PDK1: variants seen among roughly 807,000 people sequenced by gnomAD.
PDK1 encodes [Pyruvate dehydrogenase (acetyl-transferring)] kinase isozyme 1, mitochondrial.
PDK1 carries 39 observed loss-of-function variants against 54.2 expected under a neutral mutation model. The observed-to-expected ratio is 0.72, with a 90% CI of 0.56 to 0.94. The LOEUF (loss-of-function observed/expected upper bound fraction) is 0.94. Among genes scored for constraint, PDK1 ranks in the 40% least tolerant of loss-of-function variants. PDK1 has a pLI of 0.00. For synonymous variants in PDK1, 221 were observed against 207.1 expected (o/e 1.07, Z -0.58); for missense variants, 552 against 566.0 (o/e 0.98, Z 0.25).
At chr2:172,711,865 C>CAAAAAAAAAAAAA in the PDK1 span, among the ~76,000 whole-genome samples, 24 of 22,782 alleles carry the variant, frequency 1.1e-3, 2 homozygotes, top group East Asian at 0.017. Context: ...GAACCTAGCT[C>CAAAAAAAAAAAAA]AAAAAAAAAA....
intron 3 of PDK1, chr2:172,564,137 G>T: frequency 2.1e-6 from 1 of 474,022 alleles, no homozygotes. Context: ...AGAGGCAAGT[G>T]CTTTGTCTCC....
chr2:172,670,588 A>G, the PDK1 span, among the ~76,000 whole-genome samples: 3 of 152,200 alleles, frequency 2.0e-5, no homozygotes, highest in African/African-American at 7.2e-5. Context: ...TTTTCCTCAT[A>G]CAGAATTTCC....
chr2:172,564,105 C>T (rs185429956), intron 3 of PDK1: 3 of 473,230 alleles, frequency 6.3e-6, no homozygotes, highest in Non-Finnish European at 8.7e-6. Flanking sequence ...TGATTCCTTG[C>T]AGAGCAGAGC....
At chr2:172,570,468 A>G (rs889084383) in intron 7 of PDK1, 6 of 331,988 alleles carry the variant, frequency 1.8e-5, no homozygotes, top group Middle Eastern at 1.6e-3. Flanking sequence ...GCTTTAATGT[A>G]ACTAGTTAAA....
At chr2:172,566,834 G>A (rs1300491727) in intron 5 of PDK1, 22 bp from the exon 6 acceptor site, 2 of 1,527,538 alleles carry the variant, frequency 1.3e-6, no homozygotes, top group South Asian at 2.3e-5. Context: ...ATCCTTTTTT[G>A]TTTTGTTTTG....
the PDK1 span, among the ~76,000 whole-genome samples, chr2:172,715,602 C>A: frequency 2.6e-5 from 4 of 152,282 alleles, no homozygotes; most frequent in South Asian, 8.3e-4. Context: ...CAACTGCCCG[C>A]CTCATGGGAA....
chr2:172,637,889 C>T, the PDK1 span, among the ~76,000 whole-genome samples: 5 of 151,976 alleles, frequency 3.3e-5, no homozygotes, highest in South Asian at 2.1e-4. Context: ...GTAGAGATGG[C>T]GTTTCACCAT....
rs11303240 is a variant in PDK1, at chr2:172,579,704, C to CT, written c.946-6562dup. ...ACTTTTGTTTAACTAGAGTTTTTAA[C>CT]TTTTTTTTTTTTCTTTTTTTTAAGC... is the stretch of plus-strand genomic sequence containing the variant. On this transcript the variant is annotated intron_variant, in intron 8 of 10. Coordinates refer to ENST00000282077, the MANE Select transcript of PDK1 (RefSeq NM_002610.5). 6.7e-3 allele frequency among the ~76,000 whole-genome samples: 981 copies of CT among 145,474 alleles called. 15 individuals are homozygous for CT. Among genetic ancestry groups the CT allele is most frequent in the African/African-American group, 0.021 (837 of 39,820 alleles).
chr2:172,644,091 A>G, the PDK1 span, among the ~76,000 whole-genome samples: 3 of 152,356 alleles, frequency 2.0e-5, no homozygotes, highest in South Asian at 2.1e-4. Context: ...ACAGCAAAGC[A>G]GACTTGGAGA....
At chr2:172,561,947 A>AT (rs1401001538) in intron 2 of PDK1, among the ~76,000 whole-genome samples, 2 of 152,178 alleles carry the variant, frequency 1.3e-5, no homozygotes. Context: ...TTAAAAAAAA[A>AT]TTAAAAGCCA....
chr2:172,626,604 G>A, the PDK1 span, among the ~76,000 whole-genome samples: 1 of 152,098 alleles, frequency 6.6e-6, no homozygotes, highest in African/African-American at 2.4e-5. Flanking sequence ...GACCAGCCTG[G>A]ACAACATGGT....
chr2:172,566,641 A>C (rs1266062118), intron 5 of PDK1, among the ~76,000 whole-genome samples: 1 of 149,538 alleles, frequency 6.7e-6, no homozygotes, highest in East Asian at 2.0e-4. Flanking sequence ...GGATGGCTTG[A>C]GCCTGGGAGT....
chr2:172,576,142 G>A (rs936540841), intron 8 of PDK1, among the ~76,000 whole-genome samples: 4 of 152,046 alleles, frequency 2.6e-5, no homozygotes, highest in Non-Finnish European at 5.9e-5. Context: ...TAGCCAGGAT[G>A]GTTTCGATCT....
the PDK1 span, among the ~76,000 whole-genome samples, chr2:172,693,548 T>A: frequency 3.3e-5 from 5 of 152,234 alleles, no homozygotes; most frequent in Non-Finnish European, 5.9e-5. Flanking sequence ...TGATGCTATA[T>A]GAGTGTTTGA....
the PDK1 span, among the ~76,000 whole-genome samples, chr2:172,688,053 G>A: frequency 6.6e-6 from 1 of 152,164 alleles, no homozygotes; most frequent in Non-Finnish European, 1.5e-5. Context: ...AAGAATGATG[G>A]CAATTGGGAC....
At chr2:172,682,804 T>G in the PDK1 span, among the ~76,000 whole-genome samples, 1 of 152,110 alleles carries the variant, frequency 6.6e-6, no homozygotes, top group South Asian at 2.1e-4. Context: ...GGGAGGCTGT[T>G]GTAATAGTCT....
At chr2:172,689,017 G>T in the PDK1 span, among the ~76,000 whole-genome samples, 1 of 152,212 alleles carries the variant, frequency 6.6e-6, no homozygotes, top group Non-Finnish European at 1.5e-5. Context: ...AAGAGTGACA[G>T]AACAAAGCTT....
chr2:172,579,338 T>C (rs1280634333), intron 8 of PDK1, among the ~76,000 whole-genome samples: 2 of 152,142 alleles, frequency 1.3e-5, no homozygotes, highest in East Asian at 3.9e-4. Context: ...GGTTTCACTC[T>C]GATTGCATAT....
chr2:172,622,368 ATATAT>A, the PDK1 span, among the ~76,000 whole-genome samples: 4 of 136,076 alleles, frequency 2.9e-5, no homozygotes, highest in Admixed American at 7.7e-5. Context: ...TGTTTATATC[ATATAT>A]TATGTGAGAT....
Sources: gnomAD v4.1 joint callset for allele counts (sites outside exome capture counted in the v4.1 genomes callset) on GRCh38, gnomAD v4.1.1 for gene constraint, MANE v1.5 for transcripts, NCBI Gene and HGNC (gene_info 2026-07-23, HGNC 2026-07-21) for gene names.